The following NIPA2 variants were observed in gnomAD, a reference collection of about 807,000 sequenced individuals.
NIPA2 encodes magnesium transporter NIPA2.
A neutral mutation model predicts 29.7 loss-of-function variants in NIPA2; 11 were observed. The ratio of observed to expected loss-of-function variants is 0.37; its 90% CI spans 0.23 to 0.61. NIPA2 has a LOEUF of 0.61. Ranked by LOEUF, NIPA2 falls within the 20% of genes least tolerant of loss-of-function variation. NIPA2 has a pLI of 0.66. For synonymous variants in NIPA2, 183 were observed against 161.9 expected, an observed-to-expected ratio of 1.13 and a Z score of -0.99; for missense variants, 426 against 437.9, an observed-to-expected ratio of 0.97 and a Z score of 0.24.
rs867402168 is a variant in NIPA2 at position 22,859,335 on chromosome 15, C to T, written c.287+705C>T. ...TGAGGCGGAGTCTTGCTCTGTCGCC[C>T]ACGCTGGAGTGCAGTGGCACGATCT... is the stretch of plus-strand genomic sequence containing the variant. On this transcript the variant is annotated intron_variant, in intron 6 of 7. Transcript: ENST00000337451. 2.8e-5 allele frequency among the ~76,000 whole-genome samples: 4 copies of T among 143,152 alleles called. No individual in the cohort carries two copies. The Middle Eastern group carries it at 0.011, about 392-fold the overall frequency. The allele number at this position is 143,152 out of a possible 152,430, so 93.9% of individuals were successfully genotyped here.
intron 5 of NIPA2, among the ~76,000 whole-genome samples, chr15:22,853,492 G>C (rs2057934916): frequency 2.0e-5 from 3 of 150,690 alleles, no homozygotes; most frequent in African/African-American, 4.9e-5. Context: ...TCCTGCCTCA[G>C]CCTCCCAAGT....
Position 22,846,848 on chromosome 15 carries a change from T to TTATTAC in NIPA2, c.-94+1586_-94+1587insCTATTA, listed in dbSNP as rs1285009855. Among the ~76,000 whole-genome samples the TTATTAC allele has an allele frequency of 2.6e-3, 377 of 146,192 alleles. 1 individual carries two copies. Among genetic ancestry groups the TTATTAC allele is most frequent in the African/African-American group, 9.0e-3 (363 of 40,180 alleles). ...ATAATAATAATAATAATAATTATTA[T>TTATTAC]TATTATTATTTAAATTTGGATTTGT... On this transcript the variant is annotated intron_variant, in intron 3 of 7. Coordinates refer to ENST00000337451, the MANE Select transcript of NIPA2 (RefSeq NM_030922.7).
At chr15:22,843,616 T>C (rs1048890312) in intron 2 of NIPA2, among the ~76,000 whole-genome samples, 2 of 152,002 alleles carry the variant, frequency 1.3e-5, no homozygotes, top group Non-Finnish European at 2.9e-5. Context: ...AGTTTAAGGC[T>C]GTCTATGCAC....
intron 7 of NIPA2, among the ~76,000 whole-genome samples, chr15:22,865,447 C>G (rs1396512122): frequency 6.6e-6 from 1 of 151,834 alleles, no homozygotes; most frequent in South Asian, 2.1e-4. Context: ...GATCGCACCA[C>G]TGCACTCCAG....
chr15:22,862,499 C>T (rs1043076946), intron 7 of NIPA2, among the ~76,000 whole-genome samples: 3 of 151,976 alleles, frequency 2.0e-5, no homozygotes, highest in Non-Finnish European at 4.4e-5. Flanking sequence ...CTCATTTTAC[C>T]ATTTTGTCTT....
In NIPA2 at chr15:22,866,511, T is replaced by A. The variant is rs769505101; in HGVS notation, c.747T>A (p.Thr249=). 7 of 1,613,838 alleles carry A rather than the reference T, an allele frequency of 4.3e-6. No homozygotes were observed. The highest frequency in any genetic ancestry group is 5.9e-6 in the Non-Finnish European group (7 of 1,179,682). ...ATATATTCAACACTTCCATTGTGAC[T>A]CCAATATATTATGTATTCTTTACAA... is the stretch of plus-strand genomic sequence containing the variant. The part of the protein sequence containing the change: ...ALDIFNTSIV[T]PIYYVFFTTS... The change falls in exon 8 of 8, where the codon ACT becomes ACA. Residue 249 remains threonine (T), a synonymous_variant. Transcript: ENST00000337451.
intron 7 of NIPA2, among the ~76,000 whole-genome samples, chr15:22,861,620 T>C (rs2058626411): frequency 6.6e-6 from 1 of 152,202 alleles, no homozygotes; most frequent in Non-Finnish European, 1.5e-5. Flanking sequence ...TTATCTTTTA[T>C]ATGCGACCAA....
Position 22,866,378 on chromosome 15 carries a change from A to G in NIPA2, c.614A>G (p.Glu205Gly). 6.2e-7 allele frequency: 1 copy of G among 1,613,980 alleles called. No homozygotes were observed. Among genetic ancestry groups the G allele is most frequent in the East Asian group, 2.2e-5 (1 of 44,880 alleles). ...CVKGLGIAIKELFAGKPVLRH... is the reference protein window; with the variant it reads ...CVKGLGIAIKGLFAGKPVLRH... ...AAGGGCCTGGGCATTGCTATCAAGG[A>G]GCTGTTTGCAGGGAAGCCTGTGCTG... Residue 205 changes from glutamate (E) to glycine (G), a missense_variant, in exon 8 of 8, where the codon GAG becomes GGG. Around this residue, in one of 3 missense-constraint regions of NIPA2, gnomAD observed 357 missense variants for 339.8 expected, o/e 1.05. Coordinates refer to ENST00000337451, the MANE Select transcript of NIPA2 (RefSeq NM_030922.7).
intron 3 of NIPA2, among the ~76,000 whole-genome samples, chr15:22,850,523 A>G (rs1338296718): frequency 6.6e-6 from 1 of 152,216 alleles, no homozygotes; most frequent in Admixed American, 6.5e-5. Flanking sequence ...ATATCAACTC[A>G]GTGTGATAAT....
At chr15:22,852,671 C>T (rs1311321371) in intron 4 of NIPA2, among the ~76,000 whole-genome samples, 2 of 152,050 alleles carry the variant, frequency 1.3e-5, no homozygotes, top group African/African-American at 2.4e-5. Context: ...GTCACAAGAC[C>T]CTGCGGGGTA....
intron 5 of NIPA2, among the ~76,000 whole-genome samples, chr15:22,854,758 CAAAA>C (rs987060558): frequency 6.6e-6 from 1 of 151,640 alleles, no homozygotes; most frequent in Non-Finnish European, 1.5e-5. Context: ...AAAAACAAAA[CAAAA>C]AAAATTATTA....
chr15:22,859,290 C>CTTTTTT (rs60644942), intron 6 of NIPA2, among the ~76,000 whole-genome samples: 265 of 97,308 alleles, frequency 2.7e-3, no homozygotes, highest in Non-Finnish European at 3.2e-3. Flanking sequence ...ATTTCTTTTT[C>CTTTTTT]TTTTTTTTTT....
intron 5 of NIPA2, among the ~76,000 whole-genome samples, chr15:22,855,219 T>C (rs2058089604): frequency 6.6e-6 from 1 of 151,006 alleles, no homozygotes; most frequent in Non-Finnish European, 1.5e-5. Context: ...GAGACCAGCC[T>C]GACCAACATG....
intron 7 of NIPA2, among the ~76,000 whole-genome samples, chr15:22,862,323 C>T: frequency 6.6e-6 from 1 of 152,102 alleles, no homozygotes; most frequent in East Asian, 1.9e-4. Context: ...GCTGGGATTA[C>T]AGGTGTGAGC....
rs768042731 is a variant in NIPA2 at position 22,866,585 on chromosome 15, T to C, written c.821T>C (p.Met274Thr). Residue 274 changes from methionine (M) to threonine (T), a missense_variant, in exon 8 of 8, where the codon ATG (methionine) becomes ACG (threonine). Physicochemically the swap from Met to Thr is moderately conservative, Grantham distance 81 (BLOSUM62 -1). Around this residue, in one of 3 missense-constraint regions of NIPA2, gnomAD observed 357 missense variants for 339.8 expected, o/e 1.05. Coordinates refer to ENST00000337451, the MANE Select transcript of NIPA2 (RefSeq NM_030922.7). ...SAILFKEWQD[M>T]PVDDVIGTLS... Reference sequence around the variant, plus strand: ...ATTCTTTTTAAGGAGTGGCAAGATATGCCTGTTGACGATGTCATTGGTACT... The same window carrying C: ...ATTCTTTTTAAGGAGTGGCAAGATACGCCTGTTGACGATGTCATTGGTACT... 8.1e-6 allele frequency: 13 copies of C among 1,614,206 alleles called. No individual in the cohort carries two copies. The highest frequency in any genetic ancestry group is 1.1e-5 in the South Asian group (1 of 91,086).
chr15:22,863,847 C>T (rs1401838071), intron 7 of NIPA2, among the ~76,000 whole-genome samples: 4 of 152,120 alleles, frequency 2.6e-5, no homozygotes, highest in African/African-American at 9.7e-5. Flanking sequence ...TGGATTTTGG[C>T]CCTTTAAGTC....
chr15:22,840,558 C>A (rs986120425), intron 2 of NIPA2, among the ~76,000 whole-genome samples: 1 of 152,116 alleles, frequency 6.6e-6, no homozygotes, highest in East Asian at 1.9e-4. Flanking sequence ...CCTCGACCCC[C>A]CAAAGTGCTG....
At position 22,862,049 on chromosome 15, in the gene NIPA2, C is replaced by CTCTTTTTTTT. The variant is rs1555387456; in HGVS notation, c.448+1261_448+1262insCTTTTTTTTT. On this transcript the variant is annotated intron_variant, in intron 7 of 7. Transcript: ENST00000337451. ...ACCATGCCTCGCCTGATGGGTCTCT[C>CTCTTTTTTTT]TTTTTTTTTTTTTTTGAGACAGAGT... Among the ~76,000 whole-genome samples, 144 of 103,896 alleles carry CTCTTTTTTTT rather than the reference C, an allele frequency of 1.4e-3. 9 individuals carry two copies. The highest frequency in any genetic ancestry group is 5.4e-3 in the East Asian group (14 of 2,616). 68.2% of individuals were successfully genotyped at this position (103,896 alleles called of 152,430 possible).
At position 22,866,609 on chromosome 15, in the gene NIPA2, C is replaced by G. The variant is rs746834795; in HGVS notation, c.845C>G (p.Thr282Ser). The G allele has an allele frequency of 1.9e-5, 30 of 1,613,948 alleles. No individual in the cohort carries two copies. Among genetic ancestry groups the G allele is most frequent in the Non-Finnish European group, 2.3e-5 (27 of 1,180,012 alleles). The change falls in exon 8 of 8, where the codon ACT becomes AGT. Residue 282 changes from threonine to serine, a missense_variant. By Grantham distance (58) the Thr-to-Ser change is moderately conservative. Coordinates refer to ENST00000337451, the MANE Select transcript of NIPA2 (RefSeq NM_030922.7). ...QDMPVDDVIG[T>S]LSGFFTIIVG... Reference sequence around the variant, plus strand: ...ATGCCTGTTGACGATGTCATTGGTACTTTGAGTGGCTTCTTTACAATCATT... The same window carrying G: ...ATGCCTGTTGACGATGTCATTGGTAGTTTGAGTGGCTTCTTTACAATCATT...
Sources: allele counts gnomAD v4.1 joint callset (sites outside exome capture counted in the v4.1 genomes callset), GRCh38; gene constraint gnomAD v4.1.1; regional missense constraint gnomAD v4.1.1; transcripts MANE v1.5; gene names NCBI Gene and HGNC (gene_info 2026-07-23, HGNC 2026-07-21).